The following OCIAD1 variants were observed in gnomAD, a reference collection of about 807,000 sequenced individuals.
OCIAD1 encodes OCIA domain containing 1.
Under a neutral mutation model 38.9 loss-of-function variants are expected in OCIAD1, and 29 were observed. The ratio of observed to expected loss-of-function variants is 0.74; its 90% CI spans 0.55 to 1.02. The LOEUF (loss-of-function observed/expected upper bound fraction) is 1.02. Among genes scored for constraint, OCIAD1 ranks in the 50% least tolerant of loss-of-function variants. The pLI, the probability that OCIAD1 is intolerant of heterozygous loss-of-function variation, is 0.00. For missense variants in OCIAD1, 288 were observed against 289.6 expected (o/e 0.99, Z 0.04); for synonymous variants, 110 against 92.0 (o/e 1.20, Z -1.12).
chr4:48,828,060 C>T (rs1777268192), upstream of OCIAD1, among the ~76,000 whole-genome samples: 1 of 152,072 alleles, frequency 6.6e-6, no homozygotes, highest in Non-Finnish European at 1.5e-5. Context: ...TTTGTAAATG[C>T]ACCAATCAGT....
At chr4:48,841,023 A>G (rs2109546947) in intron 3 of OCIAD1, among the ~76,000 whole-genome samples, 1 of 152,294 alleles carries the variant, frequency 6.6e-6, no homozygotes, top group African/African-American at 2.4e-5. Context: ...CTAAAAACAT[A>G]AAATAAGATA....
At chr4:48,857,821 A>G (rs1780207568) in intron 8 of OCIAD1, among the ~76,000 whole-genome samples, 1 of 152,092 alleles carries the variant, frequency 6.6e-6, no homozygotes, top group African/African-American at 2.4e-5. Flanking sequence ...CCAGTTTTCC[A>G]TTTTTAAGGT....
At chr4:48,806,883 C>T (rs1443095582) in intron 1 of OCIAD1, among the ~76,000 whole-genome samples, 3 of 152,166 alleles carry the variant, frequency 2.0e-5, no homozygotes, top group African/African-American at 2.4e-5. Context: ...GGATTACAGG[C>T]GTGAGCAACC....
chr4:48,845,527 A>G (rs1246984806), intron 4 of OCIAD1, among the ~76,000 whole-genome samples: 5 of 152,152 alleles, frequency 3.3e-5, no homozygotes, highest in African/African-American at 1.2e-4. Flanking sequence ...GATATGTACT[A>G]TACATTGTTA....
rs755971580 is a variant in OCIAD1, at chr4:48,831,566, C to A, written c.-6+317C>A. 4.7e-6 allele frequency: 6 copies of A among 1,289,942 alleles called. No homozygotes were observed. The South Asian group carries it at 7.4e-5, about 16-fold the overall frequency. 79.9% of individuals were successfully genotyped at this position (1,289,942 alleles called of 1,614,324 possible). A position where few individuals can be genotyped will look rare whatever the true frequency, so the allele number is the denominator to read the frequency against. On this transcript the variant is annotated intron_variant, in intron 1 of 8. Transcript: ENST00000264312. ...GGTTGTAGGCCGCTTAGGCTTTAAT[C>A]CAGCGTTGTTTTGTGTAAAGAACTT...
chr4:48,812,316 AGAAAAG>A (rs1777097844), intron 1 of OCIAD1, among the ~76,000 whole-genome samples: 1 of 119,050 alleles, frequency 8.4e-6, no homozygotes, highest in African/African-American at 2.9e-5. Flanking sequence ...AAAAAAAAAA[AGAAAAG>A]AAAAAGAAAA....
chr4:48,821,704 T>C (rs1055510673), intron 1 of OCIAD1, among the ~76,000 whole-genome samples: 15 of 152,304 alleles, frequency 9.8e-5, no homozygotes, highest in Admixed American at 3.3e-4. Context: ...AGTGTCAGGA[T>C]ACAAAATCAA....
chr4:48,828,996 C>T (rs1004348406), upstream of OCIAD1, among the ~76,000 whole-genome samples: 1 of 152,212 alleles, frequency 6.6e-6, no homozygotes, highest in African/African-American at 2.4e-5. Flanking sequence ...TGCAGTGGCT[C>T]ATGCCTATAA....
At chr4:48,808,585 G>C (rs1777054634) in intron 1 of OCIAD1, among the ~76,000 whole-genome samples, 1 of 152,140 alleles carries the variant, frequency 6.6e-6, no homozygotes, top group Non-Finnish European at 1.5e-5. Flanking sequence ...AGGCATTGCA[G>C]CATTTGGCTG....
chr4:48,857,756 G>A (rs1256727484), intron 8 of OCIAD1, among the ~76,000 whole-genome samples: 3 of 152,210 alleles, frequency 2.0e-5, no homozygotes, highest in East Asian at 1.9e-4. Context: ...CTTGTGATCC[G>A]CCTGCCTCAG....
intron 7 of OCIAD1, among the ~76,000 whole-genome samples, chr4:48,852,875 G>GTTTTTTTTTTTTTTTTTTTTT (rs770694566): frequency 1.4e-5 from 1 of 69,128 alleles, no homozygotes; most frequent in African/African-American, 7.0e-5. Flanking sequence ...GTTTTTTTTT[G>GTTTTTTTTTTTTTTTTTTTTT]TTTTTTGTTT....
chr4:48,827,646 A>G (rs570785695), upstream of OCIAD1, among the ~76,000 whole-genome samples: 18 of 152,360 alleles, frequency 1.2e-4, no homozygotes, highest in East Asian at 2.9e-3. Flanking sequence ...TTAGAATCCT[A>G]TATGTTCCCA....
At chr4:48,809,513 G>C (rs1451998439) in intron 1 of OCIAD1, among the ~76,000 whole-genome samples, 1 of 151,912 alleles carries the variant, frequency 6.6e-6, no homozygotes, top group East Asian at 1.9e-4. Flanking sequence ...GTGACAGAGT[G>C]AGACTCTGTC....
In OCIAD1 at chr4:48,861,183, T is replaced by C. The variant is rs1780569659; in HGVS notation, c.*421T>C. 2 of 158,394 alleles carry C rather than the reference T, an allele frequency of 1.3e-5. No individual in the cohort carries two copies. The highest frequency in any genetic ancestry group is 1.8e-4 in the East Asian group (1 of 5,510). The allele number at this position is 158,394 out of a possible 1,614,324, so 9.8% of individuals were successfully genotyped here. A position where few individuals can be genotyped will look rare whatever the true frequency, so the allele number is the denominator to read the frequency against. On this transcript the variant is annotated 3_prime_UTR_variant, in exon 9 of 9. Coordinates refer to ENST00000264312, the MANE Select transcript of OCIAD1 (RefSeq NM_017830.4). The stretch of plus-strand genomic sequence containing the variant: ...GCATCAAGAAATTATTAAAAAGCTT[T>C]TTTTCTCCAGTATTTTCTGTATTAT...
chr4:48,839,108 TA>T (rs748962743), intron 3 of OCIAD1, among the ~76,000 whole-genome samples: 4 of 152,214 alleles, frequency 2.6e-5, no homozygotes, highest in Non-Finnish European at 5.9e-5. Flanking sequence ...CATATATGTG[TA>T]CTACTAGTTT....
intron 7 of OCIAD1, among the ~76,000 whole-genome samples, chr4:48,854,288 A>C (rs1378014353): frequency 6.6e-6 from 1 of 152,190 alleles, no homozygotes; most frequent in African/African-American, 2.4e-5. Context: ...TATGCTGGAC[A>C]AAGGGATGAT....
At chr4:48,823,302 A>G (rs1226411998) in intron 1 of OCIAD1, among the ~76,000 whole-genome samples, 1 of 152,000 alleles carries the variant, frequency 6.6e-6, no homozygotes, top group East Asian at 1.9e-4. Flanking sequence ...GGAAAACCAA[A>G]CACCGCATGT....
chr4:48,805,777 A>C (rs989590868), intron 1 of OCIAD1, among the ~76,000 whole-genome samples: 1 of 152,206 alleles, frequency 6.6e-6, no homozygotes, highest in South Asian at 2.1e-4. Context: ...TTGTTTAGAA[A>C]AAAAATTTTT....
At position 48,857,253 on chromosome 4, in the gene OCIAD1, T is replaced by C. The variant is rs1350592236; in HGVS notation, c.588T>C (p.Asn196=). Residue 196 remains asparagine (N), a synonymous_variant, in exon 8 of 9, where the codon AAT becomes AAC. Coordinates refer to ENST00000264312, the MANE Select transcript of OCIAD1 (RefSeq NM_017830.4). ...PNLEESPKRK[N]ITYEELRNKN... The stretch of plus-strand genomic sequence containing the variant: ...TTGAAGAAAGTCCTAAAAGAAAAAA[T>C]ATTACATATGAGGAATTAAGGAATA... 1 of 1,575,760 alleles carries C rather than the reference T, an allele frequency of 6.3e-7. No individual in the cohort carries two copies.
Sources: gnomAD v4.1 joint callset for allele counts (sites outside exome capture counted in the v4.1 genomes callset) on GRCh38, gnomAD v4.1.1 for gene constraint, MANE v1.5 for transcripts, NCBI Gene and HGNC (gene_info 2026-07-23, HGNC 2026-07-21) for gene names.